Variants in UBR3 observed in about 807,000 individuals in gnomAD.
The protein encoded by UBR3 is E3 ubiquitin-protein ligase UBR3.
In UBR3, 85 loss-of-function variants were observed where a neutral mutation model predicts 243.2. That is an observed-to-expected ratio of 0.35 (90% CI 0.29 to 0.42). The LOEUF (loss-of-function observed/expected upper bound fraction) is 0.42, where lower values mean the gene tolerates loss of function less well. UBR3 is among the 10% of genes least tolerant of loss of function. UBR3 has a pLI of 1.00. For synonymous variants in UBR3, 748 were observed against 799.8 expected, an observed-to-expected ratio of 0.94 and a Z score of 1.09; for missense variants, 1,686 against 2,300.8, an observed-to-expected ratio of 0.73 and a Z score of 5.47.
intron 35 of UBR3, among the ~76,000 whole-genome samples, chr2:170,065,513 G>C (rs937422690): frequency 2.6e-5 from 4 of 152,036 alleles, no homozygotes; most frequent in African/African-American, 9.7e-5. Flanking sequence ...GGCTGGTCTC[G>C]AATTCCTGGC....
chr2:169,867,120 T>C (rs2083288919), intron 1 of UBR3, among the ~76,000 whole-genome samples: 1 of 152,238 alleles, frequency 6.6e-6, no homozygotes, highest in African/African-American at 2.4e-5. Flanking sequence ...GTTGTATGTA[T>C]GTTTGTTATA....
At chr2:170,023,686 G>A (rs140987038) in intron 30 of UBR3, among the ~76,000 whole-genome samples, 1,776 of 152,186 alleles carry the variant, frequency 0.012, 49 homozygotes, top group African/African-American at 0.039. Flanking sequence ...TCTGTCTCCC[G>A]GATTCAAGCG....
At position 170,073,604 on chromosome 2, in the gene UBR3, A is replaced by C; in HGVS notation, c.5196A>C (p.Gly1732=). 6.2e-7 allele frequency: 1 copy of C among 1,612,994 alleles called. No homozygotes were observed. ...KSFTERHAEQ[G]KALLIQESKW... Reference sequence around the variant, plus strand: ...TTACTGAAAGACATGCAGAACAAGGAAAGGTATGTTAAAAGAGTTGTACTA... The same window carrying C: ...TTACTGAAAGACATGCAGAACAAGGCAAGGTATGTTAAAAGAGTTGTACTA... Residue 1732 remains glycine, a synonymous_variant, in exon 36 of 39, where the codon GGA becomes GGC. Coordinates refer to ENST00000272793, the MANE Select transcript of UBR3 (RefSeq NM_172070.4).
intron 19 of UBR3, among the ~76,000 whole-genome samples, chr2:169,938,858 C>T (rs1271122290): frequency 2.6e-5 from 4 of 151,938 alleles, no homozygotes; most frequent in Admixed American, 2.6e-4. Flanking sequence ...GGTAGTGGTC[C>T]AACTTAATTC....
chr2:169,897,145 A>C (rs1354519071), intron 8 of UBR3, among the ~76,000 whole-genome samples: 1 of 152,178 alleles, frequency 6.6e-6, no homozygotes, highest in Admixed American at 6.5e-5. Context: ...GCAGGTATTA[A>C]TATCATGGCT....
intron 31 of UBR3, among the ~76,000 whole-genome samples, chr2:170,037,037 A>G (rs190941570): frequency 2.0e-5 from 3 of 152,180 alleles, no homozygotes; most frequent in Non-Finnish European, 2.9e-5. Context: ...TTAAAACTAT[A>G]TAACGTACTT....
chr2:170,016,944 G>A, intron 30 of UBR3: 1 of 634,160 alleles, frequency 1.6e-6, no homozygotes, highest in Non-Finnish European at 2.1e-6. Context: ...CTTAGTTTTT[G>A]TATAATTTAT....
intron 1 of UBR3, among the ~76,000 whole-genome samples, chr2:169,859,348 G>A (rs891327526): frequency 6.6e-6 from 1 of 152,074 alleles, no homozygotes; most frequent in Non-Finnish European, 1.5e-5. Context: ...TGGGATTATA[G>A]GCGTGACACA....
At chr2:169,990,364 T>C (rs2105391255) in intron 25 of UBR3, among the ~76,000 whole-genome samples, 1 of 152,222 alleles carries the variant, frequency 6.6e-6, no homozygotes, top group East Asian at 1.9e-4. Context: ...AGGAGAATAA[T>C]ACAATATTAT....
chr2:169,920,096 G>A lies in UBR3; in HGVS notation c.1867-3833G>A, dbSNP rs189421279. On this transcript the variant is annotated intron_variant, in intron 11 of 38. Coordinates refer to ENST00000272793, the MANE Select transcript of UBR3 (RefSeq NM_172070.4). ...CAATGATAGAGTGGATTAAGAAAAC[G>A]TGGCAGATATACGCCATGGAATATG... Among the ~76,000 whole-genome samples, 453 of 152,242 alleles carry A rather than the reference G, an allele frequency of 3.0e-3. 2 individuals are homozygous for A. Among genetic ancestry groups the A allele is most frequent in the African/African-American group, 0.01 (427 of 41,520 alleles).
intron 9 of UBR3, among the ~76,000 whole-genome samples, 165 bp from the exon 10 acceptor site, chr2:169,905,866 G>C (rs1396517685): frequency 6.6e-6 from 1 of 152,104 alleles, no homozygotes; most frequent in Non-Finnish European, 1.5e-5. Context: ...ATTCTGAAAG[G>C]ACTAGATTGT....
chr2:169,916,708 AC>A (rs1034361099), intron 11 of UBR3, among the ~76,000 whole-genome samples: 2 of 151,386 alleles, frequency 1.3e-5, no homozygotes, highest in African/African-American at 4.9e-5. Flanking sequence ...TGCCCTCCTT[AC>A]CTCAGTCAGG....
intron 19 of UBR3, among the ~76,000 whole-genome samples, chr2:169,936,520 A>T (rs184144397): frequency 4.4e-5 from 6 of 136,624 alleles, no homozygotes; most frequent in African/African-American, 1.3e-4. Flanking sequence ...TTTTCTTTTT[A>T]TTATTATTAT....
chr2:169,970,566 T>C (rs1574311314), intron 24 of UBR3, among the ~76,000 whole-genome samples: 2 of 119,908 alleles, frequency 1.7e-5, no homozygotes, highest in South Asian at 3.0e-4. Context: ...TGAGTGAGAA[T>C]ATGCAGTGTT....
At chr2:169,967,139 A>C (rs569009476) in intron 24 of UBR3, among the ~76,000 whole-genome samples, 1 of 152,148 alleles carries the variant, frequency 6.6e-6, no homozygotes, top group East Asian at 1.9e-4. Context: ...TTGAGGTTAT[A>C]CAGTAGTAAG....
At position 169,948,350 on chromosome 2, in the gene UBR3, A is replaced by G. The variant is rs543548661; in HGVS notation, c.3084+635A>G. On this transcript the variant is annotated intron_variant, in intron 22 of 38. Transcript: ENST00000272793. The stretch of plus-strand genomic sequence containing the variant: ...TGCAAATAACTTTTTTTTTGCTTCT[A>G]TGGCAATTAACTTTGATAAAATAAG... 6.6e-5 allele frequency among the ~76,000 whole-genome samples: 10 copies of G among 151,894 alleles called. No individual in the cohort carries two copies. In the South Asian group the frequency reaches 1.0e-3, roughly 16 times the overall value.
chr2:169,850,878 G>C (rs2082635073), intron 1 of UBR3, among the ~76,000 whole-genome samples: 1 of 151,964 alleles, frequency 6.6e-6, no homozygotes, highest in African/African-American at 2.4e-5. Context: ...AAAGGGCTAA[G>C]TAGGAAGTGG....
In UBR3 at chr2:170,010,372, C is replaced by T. The variant is rs143243539; in HGVS notation, c.4367+1432C>T. Reference sequence around the variant, plus strand: ...ATTTATACACAATCACAGACCTACACACATTTATGTTGCTCATTTATTTAT... The same window carrying T: ...ATTTATACACAATCACAGACCTACATACATTTATGTTGCTCATTTATTTAT... On this transcript the variant is annotated intron_variant, in intron 29 of 38. Transcript: ENST00000272793. Among the ~76,000 whole-genome samples the T allele has an allele frequency of 3.3e-3, 503 of 152,296 alleles. 8 individuals are homozygous for T. Among genetic ancestry groups the T allele is most frequent in the East Asian group, 0.026 (133 of 5,190 alleles).
At chr2:169,833,184 T>C (rs1345735953) in intron 1 of UBR3, among the ~76,000 whole-genome samples, 1 of 152,196 alleles carries the variant, frequency 6.6e-6, no homozygotes, top group Non-Finnish European at 1.5e-5. Context: ...AATCCTTGTA[T>C]AAGTGGACCC....
Sources: allele counts gnomAD v4.1 joint callset (sites outside exome capture counted in the v4.1 genomes callset), GRCh38; gene constraint gnomAD v4.1.1; transcripts MANE v1.5; gene names NCBI Gene and HGNC (gene_info 2026-07-23, HGNC 2026-07-21).